COP1: variants seen among roughly 807,000 people sequenced by gnomAD.
COP1 encodes the protein E3 ubiquitin-protein ligase COP1.
COP1 carries 24 observed loss-of-function variants against 101.3 expected under a neutral mutation model. The observed-to-expected ratio is 0.24, with a 90% CI of 0.17 to 0.33. The LOEUF is 0.33. Among genes scored for constraint, COP1 ranks in the 10% least tolerant of loss-of-function variants. The probability of loss-of-function intolerance (pLI) is 1.00; values close to 1 mark genes in which losing one functional copy is unlikely to be tolerated. For missense variants in COP1, 663 were observed against 906.2 expected (o/e 0.73, Z 3.45); for synonymous variants, 347 against 341.9 (o/e 1.01, Z -0.17).
intron 15 of COP1, among the ~76,000 whole-genome samples, chr1:176,002,907 T>A (rs1208414554): frequency 6.6e-6 from 1 of 150,996 alleles, no homozygotes; most frequent in Non-Finnish European, 1.5e-5. Flanking sequence ...GTATTTCTAG[T>A]TCTAGATCCC....
At chr1:175,995,452 C>A (rs546994327) in intron 15 of COP1, among the ~76,000 whole-genome samples, 1 of 152,214 alleles carries the variant, frequency 6.6e-6, no homozygotes, top group Admixed American at 6.5e-5. Flanking sequence ...ATTAATGAAT[C>A]CAGGAGCTGG....
chr1:176,055,217 T>G (rs540932612), intron 11 of COP1, among the ~76,000 whole-genome samples: 2 of 152,344 alleles, frequency 1.3e-5, no homozygotes, highest in Non-Finnish European at 2.9e-5. Flanking sequence ...GTGGATAACC[T>G]GAGGTCAGGA....
intron 14 of COP1, among the ~76,000 whole-genome samples, chr1:176,042,713 A>T (rs1213349609): frequency 7.3e-6 from 1 of 136,674 alleles, no homozygotes; most frequent in Non-Finnish European, 1.6e-5. Flanking sequence ...CCTGGGCGAC[A>T]CAGTGAAACT....
intron 5 of COP1, among the ~76,000 whole-genome samples, chr1:176,153,336 G>T (rs960149051): frequency 6.6e-6 from 1 of 152,114 alleles, no homozygotes; most frequent in South Asian, 2.1e-4. Context: ...TGGAAAAGTG[G>T]ATGACTCTAA....
chr1:175,979,837 CTTT>C, intron 18 of COP1, among the ~76,000 whole-genome samples: 1 of 152,108 alleles, frequency 6.6e-6, no homozygotes, highest in Non-Finnish European at 1.5e-5. Context: ...TTCAGCATTT[CTTT>C]GATTCCAATT....
intron 6 of COP1, among the ~76,000 whole-genome samples, chr1:176,147,997 C>T (rs1033601248): frequency 1.2e-4 from 19 of 152,026 alleles, no homozygotes; most frequent in African/African-American, 3.1e-4. Context: ...TAACAGGCAA[C>T]TTTCATGCAC....
chr1:176,076,378 A>T (rs532078456), intron 11 of COP1, among the ~76,000 whole-genome samples: 10 of 152,332 alleles, frequency 6.6e-5, no homozygotes, highest in African/African-American at 2.4e-4. Context: ...TAACTCTTGG[A>T]TGAACAAAGA....
chr1:176,042,542 A>T (rs185753527), intron 14 of COP1, among the ~76,000 whole-genome samples: 174 of 135,622 alleles, frequency 1.3e-3, no homozygotes, highest in African/African-American at 4.6e-3. Flanking sequence ...CAGCCTGGGC[A>T]GCAGAGCGAG....
chr1:176,083,800 T>A (rs776435407), intron 10 of COP1, among the ~76,000 whole-genome samples: 11 of 152,198 alleles, frequency 7.2e-5, no homozygotes, highest in Non-Finnish European at 8.8e-5. Flanking sequence ...AAATTTCCCC[T>A]TTACAGTCAG....
At chr1:176,195,705 T>TA (rs1558298618) in intron 1 of COP1, among the ~76,000 whole-genome samples, 1 of 152,092 alleles carries the variant, frequency 6.6e-6, no homozygotes, top group African/African-American at 2.4e-5. Context: ...ACTGCAGCCA[T>TA]AAAAAAGAAT....
chr1:176,128,891 G>A (rs1688464204), intron 8 of COP1, among the ~76,000 whole-genome samples: 1 of 151,818 alleles, frequency 6.6e-6, no homozygotes, highest in Non-Finnish European at 1.5e-5. Flanking sequence ...ATTGGTCATA[G>A]GTAATAATCC....
At chr1:176,140,401 A>G (rs935349057) in intron 6 of COP1, among the ~76,000 whole-genome samples, 1 of 152,212 alleles carries the variant, frequency 6.6e-6, no homozygotes, top group African/African-American at 2.4e-5. Context: ...GGTATCAGGC[A>G]AGAAATATTA....
intron 18 of COP1, among the ~76,000 whole-genome samples, chr1:175,962,651 C>T (rs1651515445): frequency 6.6e-6 from 1 of 151,930 alleles, no homozygotes; most frequent in Non-Finnish European, 1.5e-5. Flanking sequence ...TCTGTTAATC[C>T]ATCAGTTGTC....
At chr1:175,986,110 C>T (rs980172764) in intron 18 of COP1, among the ~76,000 whole-genome samples, 1 of 152,146 alleles carries the variant, frequency 6.6e-6, no homozygotes, top group Non-Finnish European at 1.5e-5. Context: ...AGCTCTGCCT[C>T]GCGGGTTGAT....
intron 6 of COP1, among the ~76,000 whole-genome samples, chr1:176,138,432 A>G (rs1325904178): frequency 6.6e-6 from 1 of 152,136 alleles, no homozygotes; most frequent in Non-Finnish European, 1.5e-5. Context: ...TAGCATTTTC[A>G]AAAGCTTTCA....
intron 15 of COP1, among the ~76,000 whole-genome samples, chr1:175,997,630 C>G (rs1431650167): frequency 3.3e-5 from 5 of 151,978 alleles, no homozygotes; most frequent in African/African-American, 1.2e-4. Flanking sequence ...TTTATGCAGC[C>G]AAAAAACACA....
At chr1:176,190,522 G>C (rs1037005895) in intron 1 of COP1, among the ~76,000 whole-genome samples, 19 of 89,046 alleles carry the variant, frequency 2.1e-4, no homozygotes, top group Admixed American at 9.7e-4. Flanking sequence ...ATGTCACTTG[G>C]GACATTTAAA....
intron 11 of COP1, among the ~76,000 whole-genome samples, chr1:176,060,742 A>C (rs556053012): frequency 6.6e-6 from 1 of 152,256 alleles, no homozygotes; most frequent in South Asian, 2.1e-4. Flanking sequence ...GTGGAGCAAA[A>C]ATTTACAGTT....
intron 18 of COP1, among the ~76,000 whole-genome samples, chr1:175,973,669 C>G (rs1021833608): frequency 6.6e-6 from 1 of 152,094 alleles, no homozygotes; most frequent in South Asian, 2.1e-4. Context: ...TTGAAAAACA[C>G]CCCCATTAGA....
Sources: gnomAD v4.1 joint callset for allele counts (sites outside exome capture counted in the v4.1 genomes callset) on GRCh38, gnomAD v4.1.1 for gene constraint, MANE v1.5 for transcripts, NCBI Gene and HGNC (gene_info 2026-07-23, HGNC 2026-07-21) for gene names.